Variants in SERPINB8 observed in about 807,000 individuals in gnomAD.
SERPINB8 encodes the protein serpin B8.
SERPINB8 carries 25 observed loss-of-function variants against 35.3 expected under a neutral mutation model. That is an observed-to-expected ratio of 0.71 (90% CI 0.52 to 0.99). The LOEUF is 0.99. Among genes scored for constraint, SERPINB8 ranks in the 50% least tolerant of loss-of-function variants. The pLI, the probability that SERPINB8 is intolerant of heterozygous loss-of-function variation, is 0.00. For synonymous variants in SERPINB8, 186 were observed against 160.8 expected (o/e 1.16, Z -1.19); for missense variants, 484 against 446.5 (o/e 1.08, Z -0.76).
At chr18:63,974,371 G>A (rs1599130453) in intron 1 of SERPINB8, among the ~76,000 whole-genome samples, 1 of 152,172 alleles carries the variant, frequency 6.6e-6, no homozygotes, top group East Asian at 1.9e-4. Flanking sequence ...ACTTTTGGAT[G>A]TTGTATGGGG....
downstream of SERPINB8, among the ~76,000 whole-genome samples, chr18:63,990,691 C>CT (rs1267776460): frequency 6.6e-6 from 1 of 150,512 alleles, no homozygotes; most frequent in African/African-American, 2.5e-5. Flanking sequence ...CAACAGGCCC[C>CT]GGGTGTGATG....
At chr18:63,996,851 A>T (rs758855846) in intron 1 of SERPINB8, among the ~76,000 whole-genome samples, 4 of 152,224 alleles carry the variant, frequency 2.6e-5, no homozygotes, top group Non-Finnish European at 4.4e-5. Context: ...AAGGATGCCC[A>T]GTGATTTGTG....
chr18:63,970,230 A>T lies in SERPINB8; in HGVS notation c.-11+60A>T, dbSNP rs8091224. On this transcript the variant is annotated intron_variant, in intron 1 of 6. Coordinates refer to ENST00000397985, the MANE Select transcript of SERPINB8 (RefSeq NM_002640.4). ...CACGGAGGTGCCCAGGTTCCCGCGG[A>T]GGCCACCTCTTCCCTGGAGTGCGTG... is the stretch of plus-strand genomic sequence containing the variant. The T allele has an allele frequency of 1.9e-4, 46 of 237,770 alleles. No individual in the cohort carries two copies. In the Middle Eastern group the frequency reaches 9.8e-3, roughly 50 times the overall value. The allele number at this position is 237,770 out of a possible 1,614,324, so 14.7% of individuals were successfully genotyped here. A position where few individuals can be genotyped will look rare whatever the true frequency, so the allele number is the denominator to read the frequency against.
chr18:63,994,470 T>C (rs1027919669), intron 1 of SERPINB8, among the ~76,000 whole-genome samples: 2 of 151,818 alleles, frequency 1.3e-5, no homozygotes, highest in Non-Finnish European at 2.9e-5. Flanking sequence ...TCTGCAAGAG[T>C]CTGAGGGTAC....
rs758250651 is a variant in SERPINB8, at chr18:63,986,908, C to A, written c.755C>A (p.Ala252Asp). The change falls in exon 7 of 7, where the codon GCC becomes GAC. Residue 252 changes from alanine to aspartate, a missense_variant. Physicochemically the swap from Ala to Asp is moderately radical, Grantham distance 126. Coordinates refer to ENST00000397985, the MANE Select transcript of SERPINB8 (RefSeq NM_002640.4). ...GCACTTACATATGAGAAATTCAAAGCCTGGACAAATTCAGAAAAGTTGACA... is the reference window on the plus strand; with the variant it reads ...GCACTTACATATGAGAAATTCAAAGACTGGACAAATTCAGAAAAGTTGACA... ...EKALTYEKFK[A>D]WTNSEKLTKS... 1 of 1,612,800 alleles carries A rather than the reference C, an allele frequency of 6.2e-7. No individual in the cohort carries two copies. The highest frequency in any genetic ancestry group is 1.3e-5 in the African/African-American group (1 of 74,856).
intron 3 of SERPINB8, among the ~76,000 whole-genome samples, chr18:63,980,156 T>C (rs1313705868): frequency 6.6e-6 from 1 of 152,178 alleles, no homozygotes; most frequent in Non-Finnish European, 1.5e-5. Flanking sequence ...TCAATTCTCC[T>C]GCACGCAGCC....
chr18:63,983,435 C>A, intron 4 of SERPINB8, 144 bp from the exon 5 acceptor site: 1 of 716,002 alleles, frequency 1.4e-6, no homozygotes, highest in Admixed American at 2.5e-5. Flanking sequence ...CTGCTAAACA[C>A]CATCGCCTAA....
chr18:63,994,436 C>A (rs1457016936), intron 1 of SERPINB8, among the ~76,000 whole-genome samples: 2 of 152,100 alleles, frequency 1.3e-5, no homozygotes, highest in Non-Finnish European at 2.9e-5. Context: ...TCCTTCAGGG[C>A]ACAGTAGAGG....
intron 7 of SERPINB8, among the ~76,000 whole-genome samples, chr18:64,016,745 G>C (rs944315050): frequency 7.2e-5 from 11 of 152,168 alleles, no homozygotes; most frequent in African/African-American, 2.7e-4. Context: ...GTTGGTGGAA[G>C]TCCTGAATTA....
At chr18:63,997,834 G>T (rs1273486705) in intron 1 of SERPINB8, among the ~76,000 whole-genome samples, 1 of 152,142 alleles carries the variant, frequency 6.6e-6, no homozygotes, top group Non-Finnish European at 1.5e-5. Flanking sequence ...ATCCTTGTGG[G>T]TGCTCACCAG....
At chr18:64,009,306 T>A (rs2050914970), downstream of SERPINB8, among the ~76,000 whole-genome samples, 1 of 152,192 alleles carries the variant, frequency 6.6e-6, no homozygotes, top group Non-Finnish European at 1.5e-5. Flanking sequence ...CTAGTCCAAA[T>A]CCTAGCAATG....
chr18:63,999,934 G>C (rs139297845), intron 1 of SERPINB8, among the ~76,000 whole-genome samples: 1 of 152,150 alleles, frequency 6.6e-6, no homozygotes, highest in African/African-American at 2.4e-5. Flanking sequence ...AGTGAGAAAA[G>C]GTTGTGCACC....
At chr18:63,997,915 A>C (rs532315172) in intron 1 of SERPINB8, among the ~76,000 whole-genome samples, 123 of 152,346 alleles carry the variant, frequency 8.1e-4, no homozygotes, top group African/African-American at 2.8e-3. Context: ...TCAGCTAAAC[A>C]TGGAGAATGA....
At chr18:63,978,591 G>A in intron 2 of SERPINB8, 115 bp downstream of exon 2, 1 of 1,192,386 alleles carries the variant, frequency 8.4e-7, no homozygotes, top group East Asian at 2.4e-5. Context: ...GGTAGAAGGA[G>A]GAGCAGCTCG....
chr18:63,970,720 C>T (rs563773637), intron 1 of SERPINB8, among the ~76,000 whole-genome samples: 8 of 152,302 alleles, frequency 5.3e-5, no homozygotes, highest in African/African-American at 1.9e-4. Context: ...TCCCTGCTCC[C>T]CTGGCGCCCA....
intron 1 of SERPINB8, among the ~76,000 whole-genome samples, chr18:63,970,958 T>A (rs1031197483): frequency 1.3e-5 from 2 of 152,128 alleles, no homozygotes; most frequent in African/African-American, 4.8e-5. Flanking sequence ...TTCCAGACAC[T>A]CTCAGTCCTC....
chr18:63,986,821 G>A (rs2050762294), intron 6 of SERPINB8, 53 bp from the exon 7 acceptor site: 2 of 1,505,890 alleles, frequency 1.3e-6, no homozygotes, highest in African/African-American at 2.8e-5. Flanking sequence ...TGGGTGTGTG[G>A]GTATCAGGCT....
chr18:63,982,547 C>T (rs2050688721), intron 4 of SERPINB8, among the ~76,000 whole-genome samples: 1 of 152,170 alleles, frequency 6.6e-6, no homozygotes, highest in African/African-American at 2.4e-5. Context: ...TTATTGCATC[C>T]ATTCCATCCT....
intron 3 of SERPINB8, among the ~76,000 whole-genome samples, chr18:63,980,715 T>C (rs2050657771): frequency 1.3e-5 from 2 of 152,230 alleles, no homozygotes; most frequent in Admixed American, 1.3e-4. Context: ...ATCAGCCTGA[T>C]CTACTACTGT....
Sources: gnomAD v4.1 joint callset for allele counts (sites outside exome capture counted in the v4.1 genomes callset) on GRCh38, gnomAD v4.1.1 for gene constraint, MANE v1.5 for transcripts, NCBI Gene and HGNC (gene_info 2026-07-23, HGNC 2026-07-21) for gene names.